OSBPL1A: variants seen among roughly 807,000 people sequenced by gnomAD.
OSBPL1A encodes the protein oxysterol binding protein like 1A.
In OSBPL1A, 80 loss-of-function variants were observed where a neutral mutation model predicts 137.1. The ratio of observed to expected loss-of-function variants is 0.58; its 90% CI spans 0.49 to 0.70. OSBPL1A has a LOEUF of 0.70. OSBPL1A is among the 30% of genes least tolerant of loss of function. The probability of loss-of-function intolerance (pLI) is 0.00; values close to 1 mark genes in which losing one functional copy is unlikely to be tolerated. For missense variants in OSBPL1A, 970 were observed against 1,129.4 expected (o/e 0.86, Z 2.02); for synonymous variants, 365 against 389.7 (o/e 0.94, Z 0.75).
intron 27 of OSBPL1A, among the ~76,000 whole-genome samples, chr18:24,164,400 A>G (rs1356128178): frequency 1.3e-5 from 2 of 151,702 alleles, no homozygotes; most frequent in Non-Finnish European, 2.9e-5. Flanking sequence ...CCATTATGGA[A>G]AACAGTATGG....
chr18:24,178,613 A>G (rs1211279198), intron 20 of OSBPL1A, among the ~76,000 whole-genome samples: 3 of 152,144 alleles, frequency 2.0e-5, no homozygotes, highest in African/African-American at 7.2e-5. Context: ...TTCTCATTGC[A>G]ATGAAACAAC....
At chr18:24,232,506 T>A (rs1407113510) in intron 16 of OSBPL1A, among the ~76,000 whole-genome samples, 1 of 152,220 alleles carries the variant, frequency 6.6e-6, no homozygotes, top group East Asian at 1.9e-4. Context: ...TTGTAACATC[T>A]GCACATGTAA....
At chr18:24,307,622 A>C (rs1184386745) in intron 13 of OSBPL1A, among the ~76,000 whole-genome samples, 33 of 152,182 alleles carry the variant, frequency 2.2e-4, no homozygotes, top group Non-Finnish European at 5.9e-5. Flanking sequence ...TATTTGGTAC[A>C]TCATTTTATG....
intron 7 of OSBPL1A, among the ~76,000 whole-genome samples, chr18:24,327,130 C>T (rs1443160057): frequency 7.4e-5 from 9 of 120,914 alleles, no homozygotes; most frequent in African/African-American, 1.6e-4. Flanking sequence ...TTTTTTGAAA[C>T]GGAGTCTTGC....
rs2090968121 is a variant in OSBPL1A at position 24,325,929 on chromosome 18, A to T, written c.625+7013T>A. On this transcript the variant is annotated intron_variant, in intron 7 of 27. Coordinates refer to ENST00000319481, the MANE Select transcript of OSBPL1A (RefSeq NM_080597.4). ...GCTTTTATTTTTTAATTTTAATTTT[A>T]TTTTTTTTCAGACATGGAGTCTTGC... Among the ~76,000 whole-genome samples the T allele has an allele frequency of 3.3e-5, 5 of 152,116 alleles. No homozygotes were observed. In the South Asian group the frequency reaches 1.0e-3, roughly 32 times the overall value.
At chr18:24,298,175 G>T in intron 14 of OSBPL1A, among the ~76,000 whole-genome samples, 1 of 152,126 alleles carries the variant, frequency 6.6e-6, no homozygotes, top group East Asian at 1.9e-4. Context: ...GCAACATTAG[G>T]AAGTTACCCT....
intron 1 of OSBPL1A, among the ~76,000 whole-genome samples, chr18:24,382,709 C>T (rs1906685851): frequency 6.6e-6 from 1 of 151,228 alleles, no homozygotes; most frequent in Admixed American, 6.6e-5. Flanking sequence ...AACCCCATCT[C>T]TACAAAAATA....
chr18:24,368,044 T>C (rs1313327276), intron 3 of OSBPL1A: 3 of 298,134 alleles, frequency 1.0e-5, no homozygotes, highest in Non-Finnish European at 1.8e-5. Flanking sequence ...TTAATATGCC[T>C]ACTTTTATTA....
chr18:24,249,305 CA>C (rs1375168429), intron 15 of OSBPL1A, among the ~76,000 whole-genome samples: 1 of 152,158 alleles, frequency 6.6e-6, no homozygotes, highest in Non-Finnish European at 1.5e-5. Flanking sequence ...TTTAAAATTT[CA>C]AAAGGGTTTT....
intron 15 of OSBPL1A, among the ~76,000 whole-genome samples, chr18:24,245,558 T>C (rs1046974795): frequency 8.5e-5 from 13 of 152,224 alleles, no homozygotes; most frequent in African/African-American, 2.6e-4. Context: ...GACTATTATA[T>C]TGTTAAGGTA....
chr18:24,230,995 T>C (rs916057651), intron 16 of OSBPL1A, among the ~76,000 whole-genome samples: 4 of 152,224 alleles, frequency 2.6e-5, no homozygotes, highest in African/African-American at 9.6e-5. Context: ...TGTGCACCTG[T>C]AGTCACAGCT....
intron 15 of OSBPL1A, among the ~76,000 whole-genome samples, chr18:24,261,926 T>C (rs1341664893): frequency 6.6e-6 from 1 of 152,224 alleles, no homozygotes; most frequent in Non-Finnish European, 1.5e-5. Flanking sequence ...CTGAAAATGA[T>C]GTAAGATATT....
chr18:24,203,690 A>C (rs1193360638), intron 17 of OSBPL1A, among the ~76,000 whole-genome samples: 1 of 152,294 alleles, frequency 6.6e-6, no homozygotes, highest in South Asian at 2.1e-4. Flanking sequence ...AGAAGCTGGC[A>C]TCTATTTTTC....
In OSBPL1A at chr18:24,379,094, TA is replaced by T. The variant is rs564718931; in HGVS notation, c.-2-1560del. ...TCCTGTAACAAAAACAAGATGCTAT[TA>T]AAAAAAAATAAAGCTTGAGAAAAAG... On this transcript the variant is annotated intron_variant, in intron 1 of 27. Transcript: ENST00000319481. Among the ~76,000 whole-genome samples, 854 of 150,638 alleles carry T rather than the reference TA, an allele frequency of 5.7e-3. 10 individuals are homozygous for T. Among genetic ancestry groups the T allele is most frequent in the African/African-American group, 0.019 (790 of 41,114 alleles).
At chr18:24,189,257 T>G (rs1041687523) in intron 18 of OSBPL1A, among the ~76,000 whole-genome samples, 40 of 152,106 alleles carry the variant, frequency 2.6e-4, no homozygotes, top group African/African-American at 8.9e-4. Context: ...CATCTGAAAT[T>G]GAAAATATTG....
intron 18 of OSBPL1A, among the ~76,000 whole-genome samples, chr18:24,194,175 A>T (rs981723910): frequency 5.9e-5 from 9 of 152,232 alleles, no homozygotes; most frequent in Non-Finnish European, 1.2e-4. Context: ...AAAAGACTAA[A>T]CCATATCTGA....
At chr18:24,370,888 C>G (rs1905574367) in intron 2 of OSBPL1A, among the ~76,000 whole-genome samples, 1 of 152,108 alleles carries the variant, frequency 6.6e-6, no homozygotes, top group South Asian at 2.1e-4. Flanking sequence ...AGGCTGGTCT[C>G]AAACTCCTGA....
intron 16 of OSBPL1A, among the ~76,000 whole-genome samples, chr18:24,231,378 C>T (rs1012313775): frequency 7.9e-5 from 12 of 152,132 alleles, no homozygotes; most frequent in Non-Finnish European, 1.3e-4. Flanking sequence ...CTGCAACCTC[C>T]GCCTCCTGGA....
rs762961464 is a variant in OSBPL1A at position 24,167,408 on chromosome 18, G to A, written c.2456C>T (p.Pro819Leu). The change falls in exon 25 of 28, where the codon CCG becomes CTG. Residue 819 changes from proline (P) to leucine (L), a missense_variant. By Grantham distance (98) the Pro-to-Leu change is moderately conservative. Coordinates refer to ENST00000319481, the MANE Select transcript of OSBPL1A (RefSeq NM_080597.4). Reference protein sequence around the residue: ...TSEELDEMPVPDSESVFIIPG... With the variant: ...TSEELDEMPVLDSESVFIIPG... The stretch of plus-strand genomic sequence containing the variant: ...GATAATGAATACACTTTCAGAATCC[G>A]GCACTGGCATTTCATCCAACTCCTC... The A allele has an allele frequency of 6.2e-6, 10 of 1,614,050 alleles. No homozygotes were observed. Among genetic ancestry groups the A allele is most frequent in the South Asian group, 1.1e-5 (1 of 91,084 alleles).
Sources: gnomAD v4.1 joint callset for allele counts (sites outside exome capture counted in the v4.1 genomes callset) on GRCh38, gnomAD v4.1.1 for gene constraint, MANE v1.5 for transcripts, NCBI Gene and HGNC (gene_info 2026-07-23, HGNC 2026-07-21) for gene names.